UNC5D: variants seen among roughly 807,000 people sequenced by gnomAD.
UNC5D encodes the protein unc-5 netrin receptor D.
Under a neutral mutation model 105.4 loss-of-function variants are expected in UNC5D, and 39 were observed. That is an observed-to-expected ratio of 0.37 (90% CI 0.29 to 0.48). UNC5D has a LOEUF of 0.48. UNC5D is among the 20% of genes least tolerant of loss of function. The pLI is 0.98. For synonymous variants in UNC5D, 452 were observed against 450.4 expected (o/e 1.00, Z -0.04); for missense variants, 991 against 1,202.4 (o/e 0.82, Z 2.60).
intron 4 of UNC5D, among the ~76,000 whole-genome samples, chr8:35,600,503 C>T (rs1409800046): frequency 4.6e-5 from 7 of 152,016 alleles, no homozygotes; most frequent in Admixed American, 2.6e-4. Flanking sequence ...TTCTAACTGG[C>T]GTGAGATTCT....
At chr8:35,246,249 G>T (rs1803089592) in intron 1 of UNC5D, among the ~76,000 whole-genome samples, 1 of 151,950 alleles carries the variant, frequency 6.6e-6, no homozygotes, top group African/African-American at 2.4e-5. Flanking sequence ...ATCATTTCAG[G>T]AAGCTTTTCT....
intron 1 of UNC5D, among the ~76,000 whole-genome samples, chr8:35,246,824 A>G (rs1803132115): frequency 6.6e-6 from 1 of 152,088 alleles, no homozygotes; most frequent in Non-Finnish European, 1.5e-5. Context: ...GGCATACAAC[A>G]CTTTTTCTAG....
In UNC5D at chr8:35,623,196, C is replaced by T. The variant is rs140531657; in HGVS notation, c.570+27539C>T. Among the ~76,000 whole-genome samples, 478 of 152,216 alleles carry T rather than the reference C, an allele frequency of 3.1e-3. 1 individual carries two copies. The highest frequency in any genetic ancestry group is 5.4e-3 in the Admixed American group (83 of 15,284). On this transcript the variant is annotated intron_variant, in intron 4 of 16. Transcript: ENST00000404895. ...CTGATAGCCATCCTTGAGTTCTCTG[C>T]CACGGCTATCAGACCATTCCCATAC...
In UNC5D at chr8:35,793,164, A is replaced by G. The variant is rs1803121229; in HGVS notation, c.*2601A>G. On this transcript the variant is annotated 3_prime_UTR_variant, in exon 17 of 17. Coordinates refer to ENST00000404895, the MANE Select transcript of UNC5D (RefSeq NM_080872.4). Reference sequence around the variant, plus strand: ...AGGATCCTACATAGGATTTCTATAGAAATGTATGAAATTCTGTGGTCACTG... The same window carrying G: ...AGGATCCTACATAGGATTTCTATAGGAATGTATGAAATTCTGTGGTCACTG... 4.4e-6 allele frequency: 2 copies of G among 456,122 alleles called. No individual in the cohort carries two copies. The highest frequency in any genetic ancestry group is 8.8e-6 in the Non-Finnish European group (2 of 226,774). 28.3% of individuals were successfully genotyped at this position (456,122 alleles called of 1,614,324 possible). A position where few individuals can be genotyped will look rare whatever the true frequency, so the allele number is the denominator to read the frequency against.
chr8:35,641,381 A>G (rs1176650049), intron 4 of UNC5D, among the ~76,000 whole-genome samples: 9 of 150,572 alleles, frequency 6.0e-5, no homozygotes, highest in Admixed American at 3.3e-4. Flanking sequence ...AAAAAAAAAA[A>G]AAAAGAAAAA....
At chr8:35,724,936 T>C (rs1330247696) in intron 9 of UNC5D, among the ~76,000 whole-genome samples, 1 of 150,982 alleles carries the variant, frequency 6.6e-6, no homozygotes, top group Admixed American at 6.6e-5. Flanking sequence ...CACTCATGCA[T>C]GGAAAAAAAA....
intron 1 of UNC5D, among the ~76,000 whole-genome samples, chr8:35,240,350 C>T (rs886665771): frequency 6.6e-6 from 1 of 152,262 alleles, no homozygotes; most frequent in Non-Finnish European, 1.5e-5. Flanking sequence ...ATAATAAATA[C>T]ATTTCTGCAA....
At chr8:35,237,651 C>T (rs1257142835) in intron 1 of UNC5D, among the ~76,000 whole-genome samples, 1 of 152,184 alleles carries the variant, frequency 6.6e-6, no homozygotes, top group Non-Finnish European at 1.5e-5. Context: ...GGAAAACATG[C>T]TGTACATTCT....
intron 1 of UNC5D, among the ~76,000 whole-genome samples, chr8:35,305,998 T>C (rs1808387544): frequency 6.6e-6 from 1 of 151,712 alleles, no homozygotes; most frequent in African/African-American, 2.4e-5. Context: ...CACAGAAATA[T>C]GATTAGGATA....
intron 7 of UNC5D, among the ~76,000 whole-genome samples, chr8:35,700,676 A>C (rs998505705): frequency 1.3e-5 from 2 of 152,128 alleles, no homozygotes; most frequent in African/African-American, 4.8e-5. Context: ...CTTTGAGTTG[A>C]CGATGGAGAG....
At chr8:35,273,153 T>C (rs1354789990) in intron 1 of UNC5D, among the ~76,000 whole-genome samples, 1 of 152,202 alleles carries the variant, frequency 6.6e-6, no homozygotes, top group African/African-American at 2.4e-5. Flanking sequence ...ACTGACAGCA[T>C]TCATTCATTT....
chr8:35,380,200 A>G (rs1266445141), intron 1 of UNC5D, among the ~76,000 whole-genome samples: 9 of 128,122 alleles, frequency 7.0e-5, no homozygotes, highest in South Asian at 2.4e-4. Context: ...ACCGAGAGGG[A>G]GAGAGAGAGA....
At chr8:35,236,550 C>T (rs1802483310) in intron 1 of UNC5D, among the ~76,000 whole-genome samples, 2 of 152,216 alleles carry the variant, frequency 1.3e-5, no homozygotes, top group South Asian at 4.1e-4. Flanking sequence ...CCTCTCCCTT[C>T]CCGGCGCCTA....
rs575447786 is a variant in UNC5D at position 35,655,906 on chromosome 8, G to A, written c.571-27641G>A. ...TGTAATTTAAGCAGTGCAAAGCTGGGCCAAATGTTAGTCATGTACTTATAT... is the reference window on the plus strand; with the variant it reads ...TGTAATTTAAGCAGTGCAAAGCTGGACCAAATGTTAGTCATGTACTTATAT... On this transcript the variant is annotated intron_variant, in intron 4 of 16. Transcript: ENST00000404895. 3.8e-4 allele frequency among the ~76,000 whole-genome samples: 58 copies of A among 152,278 alleles called. No homozygotes were observed. The South Asian group carries it at 0.011, about 28-fold the overall frequency.
At chr8:35,577,576 T>C (rs1818176880) in intron 3 of UNC5D, among the ~76,000 whole-genome samples, 1 of 152,232 alleles carries the variant, frequency 6.6e-6, no homozygotes, top group Non-Finnish European at 1.5e-5. Flanking sequence ...AAAAGATGAA[T>C]GAATGAATGA....
chr8:35,305,779 T>A (rs1439972232), intron 1 of UNC5D, among the ~76,000 whole-genome samples: 1 of 150,270 alleles, frequency 6.7e-6, no homozygotes, highest in Non-Finnish European at 1.5e-5. Context: ...CATCACTCTC[T>A]GCCTCTTTCT....
At chr8:35,478,000 G>A (rs1810235452) in intron 1 of UNC5D, among the ~76,000 whole-genome samples, 1 of 152,098 alleles carries the variant, frequency 6.6e-6, no homozygotes, top group Non-Finnish European at 1.5e-5. Context: ...TAATGGAGAT[G>A]AAGAGAAAGC....
intron 1 of UNC5D, among the ~76,000 whole-genome samples, chr8:35,475,174 G>T (rs573505795): frequency 1.3e-5 from 2 of 152,252 alleles, no homozygotes; most frequent in African/African-American, 4.8e-5. Flanking sequence ...AAAGGAGTAG[G>T]AGGTGAATTT....
At chr8:35,324,503 G>A (rs188511340) in intron 1 of UNC5D, among the ~76,000 whole-genome samples, 5 of 152,212 alleles carry the variant, frequency 3.3e-5, no homozygotes, top group Non-Finnish European at 7.4e-5. Context: ...ATTGCAAAAT[G>A]TGGTGCAAAT....
Sources: gnomAD v4.1 joint callset for allele counts (sites outside exome capture counted in the v4.1 genomes callset) on GRCh38, gnomAD v4.1.1 for gene constraint, MANE v1.5 for transcripts, NCBI Gene and HGNC (gene_info 2026-07-23, HGNC 2026-07-21) for gene names.